OR4N2: variants seen among roughly 807,000 people sequenced by gnomAD.
OR4N2 encodes the protein olfactory receptor family 4 subfamily N member 2, also known as olfactory receptor 4N2.
For synonymous variants in OR4N2, 141 were observed against 140.4 expected, an observed-to-expected ratio of 1.00 and a Z score of -0.03; for missense variants, 307 against 377.6, an observed-to-expected ratio of 0.81 and a Z score of 1.55.
chr14:19,810,125 A>T (rs1366205507), intron 1 of OR4N2, among the ~76,000 whole-genome samples: 1 of 152,254 alleles, frequency 6.6e-6, no homozygotes, highest in Non-Finnish European at 1.5e-5. Flanking sequence ...TAATATCCAG[A>T]ATCTACAAGG....
At chr14:19,826,790 C>G (rs935412754) in intron 1 of OR4N2, among the ~76,000 whole-genome samples, 2 of 152,226 alleles carry the variant, frequency 1.3e-5, no homozygotes. Flanking sequence ...AACAGAGTTA[C>G]AGCTGGAGCA....
chr14:19,824,749 C>T (rs1301971192), intron 1 of OR4N2, among the ~76,000 whole-genome samples: 1 of 152,126 alleles, frequency 6.6e-6, no homozygotes, highest in African/African-American at 2.4e-5. Flanking sequence ...TCTTCCTTTC[C>T]TTATGATTTT....
chr14:19,826,877 A>T (rs1335792839), intron 1 of OR4N2, among the ~76,000 whole-genome samples: 1 of 152,236 alleles, frequency 6.6e-6, no homozygotes, highest in Non-Finnish European at 1.5e-5. Context: ...GTATACAAGG[A>T]TATCAGACCA....
At chr14:19,810,690 A>G (rs1879274635) in intron 1 of OR4N2, among the ~76,000 whole-genome samples, 1 of 152,242 alleles carries the variant, frequency 6.6e-6, no homozygotes. Context: ...AAAGGAAAAG[A>G]GTCAAAATTA....
rs1879787703 is a variant in OR4N2 at position 19,828,523 on chromosome 14, G to A, written c.*151G>A. 4 of 784,508 alleles carry A rather than the reference G, an allele frequency of 5.1e-6. No individual in the cohort carries two copies. The highest frequency in any genetic ancestry group is 7.9e-6 in the Non-Finnish European group (4 of 506,284). 48.6% of individuals were successfully genotyped at this position (784,508 alleles called of 1,614,324 possible). On this transcript the variant is annotated 3_prime_UTR_variant, in exon 2 of 2. Coordinates refer to ENST00000557677, the MANE Select transcript of OR4N2 (RefSeq NM_001004723.3). ...AAAAAGAAATTACTGAGGCAGATAA[G>A]GTCCATCTGCTCTCCAAGAGATACA...
At chr14:19,812,998 C>G (rs1278325506) in intron 1 of OR4N2, among the ~76,000 whole-genome samples, 1 of 152,178 alleles carries the variant, frequency 6.6e-6, no homozygotes, top group Non-Finnish European at 1.5e-5. Flanking sequence ...AGGAAAAAAT[C>G]TATCCAAGGT....
At position 19,828,202 on chromosome 14, in the gene OR4N2, G is replaced by A. The variant is rs367695246; in HGVS notation, c.754G>A (p.Gly252Arg). 1.2e-6 allele frequency: 2 copies of A among 1,614,022 alleles called. No individual in the cohort carries two copies. The highest frequency in any genetic ancestry group is 1.7e-6 in the Non-Finnish European group (2 of 1,179,986). ...TATCATTGTTATATTCTTCATGTTT[G>A]GACCTGGCATCTTCATCTACACGCG... ...THIIVIFFMFGPGIFIYTRPF... is the reference protein window; with the variant it reads ...THIIVIFFMFRPGIFIYTRPF... Residue 252 changes from glycine (G) to arginine (R), a missense_variant, in exon 2 of 2, where the codon GGA (glycine) becomes AGA (arginine). Coordinates refer to ENST00000557677, the MANE Select transcript of OR4N2 (RefSeq NM_001004723.3).
At chr14:19,805,746 C>T (rs528924756) in intron 1 of OR4N2, among the ~76,000 whole-genome samples, 38 of 152,226 alleles carry the variant, frequency 2.5e-4, no homozygotes, top group African/African-American at 9.1e-4. Flanking sequence ...AGAACCCTGG[C>T]TAGATATCGT....
chr14:19,806,947 C>T (rs1259895849), intron 1 of OR4N2, among the ~76,000 whole-genome samples: 1 of 152,132 alleles, frequency 6.6e-6, no homozygotes, highest in Non-Finnish European at 1.5e-5. Flanking sequence ...AAACAACTTG[C>T]TCCTGAATAA....
intron 1 of OR4N2, among the ~76,000 whole-genome samples, chr14:19,821,193 A>T (rs545774898): frequency 6.6e-6 from 1 of 152,366 alleles, no homozygotes; most frequent in South Asian, 2.1e-4. Context: ...GAGTTCCCTG[A>T]ACCCTTCCAC....
intron 1 of OR4N2, among the ~76,000 whole-genome samples, chr14:19,824,194 T>TC (rs1374071151): frequency 3.3e-5 from 5 of 152,230 alleles, no homozygotes; most frequent in Non-Finnish European, 7.3e-5. Context: ...TATATGGATT[T>TC]TTTTTTTGGC....
At chr14:19,808,158 C>T (rs1375399584) in intron 1 of OR4N2, among the ~76,000 whole-genome samples, 1 of 152,168 alleles carries the variant, frequency 6.6e-6, no homozygotes, top group African/African-American at 2.4e-5. Flanking sequence ...GAAGTATTCC[C>T]CTTAAGAACT....
intron 1 of OR4N2, among the ~76,000 whole-genome samples, chr14:19,822,609 A>G (rs1397457064): frequency 1.3e-5 from 2 of 152,228 alleles, no homozygotes; most frequent in Non-Finnish European, 2.9e-5. Flanking sequence ...TCTCTCTATT[A>G]ACTTTTCAGA....
chr14:19,810,555 A>T (rs1437020087), intron 1 of OR4N2, among the ~76,000 whole-genome samples: 1 of 152,270 alleles, frequency 6.6e-6, no homozygotes, highest in Non-Finnish European at 1.5e-5. Flanking sequence ...TCAACACAGT[A>T]CTATTCTCAA....
chr14:19,824,308 G>T (rs1192435651), intron 1 of OR4N2, among the ~76,000 whole-genome samples: 1 of 152,226 alleles, frequency 6.6e-6, no homozygotes, highest in Non-Finnish European at 1.5e-5. Flanking sequence ...AGATGGAAAT[G>T]GGACAGGGAA....
chr14:19,812,392 C>G (rs1451282480), intron 1 of OR4N2, among the ~76,000 whole-genome samples: 15 of 146,460 alleles, frequency 1.0e-4, no homozygotes, highest in Admixed American at 2.1e-4. Flanking sequence ...GACAGTGGCG[C>G]AATCTCGGCT....
chr14:19,826,527 A>G (rs1879704498), intron 1 of OR4N2, among the ~76,000 whole-genome samples: 1 of 152,268 alleles, frequency 6.6e-6, no homozygotes, highest in African/African-American at 2.4e-5. Context: ...GAAATGGAAG[A>G]ATAACACTAC....
rs1007988588 is a variant in OR4N2, at chr14:19,829,538, A to G, written c.*1166A>G. On this transcript the variant is annotated 3_prime_UTR_variant, in exon 2 of 2. Coordinates refer to ENST00000557677, the MANE Select transcript of OR4N2 (RefSeq NM_001004723.3). ...TGTCAGGGAAGTTGTTCTTGCTACA[A>G]TCTTAGCCATCTGTTTGTCTGAAAA... The G allele has an allele frequency of 2.1e-5, 3 of 146,236 alleles. No homozygotes were observed. Among genetic ancestry groups the G allele is most frequent in the East Asian group, 1.9e-4 (1 of 5,168 alleles). 9.1% of individuals were successfully genotyped at this position (146,236 alleles called of 1,614,324 possible).
intron 1 of OR4N2, among the ~76,000 whole-genome samples, chr14:19,815,644 G>T (rs1019341652): frequency 5.2e-4 from 73 of 140,368 alleles, no homozygotes; most frequent in Admixed American, 8.6e-4. Context: ...TCTGATGAGA[G>T]GTTTTTTTTT....
Sources: gnomAD v4.1 joint callset for allele counts (sites outside exome capture counted in the v4.1 genomes callset) on GRCh38, gnomAD v4.1.1 for gene constraint, MANE v1.5 for transcripts, NCBI Gene and HGNC (gene_info 2026-07-23, HGNC 2026-07-21) for gene names.